WWOX: variants seen among roughly 807,000 people sequenced by gnomAD.
WWOX encodes the protein WW domain-containing oxidoreductase.
A neutral mutation model predicts 46.2 loss-of-function variants in WWOX; 69 were observed. The ratio of observed to expected loss-of-function variants is 1.49; its 90% CI spans 1.23 to 1.82. The LOEUF is 1.82. Among genes scored for constraint, WWOX ranks in the 40% most tolerant of loss-of-function variants. The pLI, the probability that WWOX is intolerant of heterozygous loss-of-function variation, is 0.00. For missense variants in WWOX, 919 were observed against 542.6 expected (o/e 1.69, Z -6.89); for synonymous variants, 359 against 202.6 (o/e 1.77, Z -6.56).
chr16:78,559,543 T>C (rs1315564553), intron 8 of WWOX, among the ~76,000 whole-genome samples: 2 of 152,196 alleles, frequency 1.3e-5, no homozygotes, highest in Non-Finnish European at 2.9e-5. Flanking sequence ...GTTAATATGG[T>C]TTCTTATTAA....
intron 8 of WWOX, among the ~76,000 whole-genome samples, chr16:78,823,604 T>G (rs2051565267): frequency 6.6e-6 from 1 of 152,140 alleles, no homozygotes; most frequent in Non-Finnish European, 1.5e-5. Context: ...TAATGGACAT[T>G]GTTTGATAAA....
At chr16:79,033,701 A>G (rs946256104) in intron 8 of WWOX, among the ~76,000 whole-genome samples, 2 of 152,192 alleles carry the variant, frequency 1.3e-5, no homozygotes, top group Non-Finnish European at 2.9e-5. Flanking sequence ...GTACCCACAG[A>G]ACACTGGCTC....
chr16:78,245,283 T>C (rs1310841982), intron 5 of WWOX, among the ~76,000 whole-genome samples: 1 of 152,226 alleles, frequency 6.6e-6, no homozygotes, highest in Admixed American at 6.5e-5. Flanking sequence ...ATCATTCTCC[T>C]TCTAACTGTA....
intron 8 of WWOX, among the ~76,000 whole-genome samples, chr16:78,491,969 C>A (rs1456565259): frequency 2.6e-5 from 4 of 152,260 alleles, no homozygotes; most frequent in Middle Eastern, 6.8e-3. Flanking sequence ...CTGACTTTCT[C>A]CCTGGTCCAG....
chr16:78,980,757 T>G (rs1031879514), intron 8 of WWOX, among the ~76,000 whole-genome samples: 1 of 152,194 alleles, frequency 6.6e-6, no homozygotes, highest in Non-Finnish European at 1.5e-5. Flanking sequence ...CCTTTCTTAC[T>G]TTTTGAATAA....
At chr16:78,984,999 T>C (rs2046756544) in intron 8 of WWOX, among the ~76,000 whole-genome samples, 1 of 152,288 alleles carries the variant, frequency 6.6e-6, no homozygotes, top group East Asian at 1.9e-4. Context: ...AAAAAAATAT[T>C]GGATCCTTGC....
chr16:78,334,938 A>AAG (rs11438717), intron 5 of WWOX, among the ~76,000 whole-genome samples: 1 of 128,852 alleles, frequency 7.8e-6, no homozygotes, highest in African/African-American at 2.8e-5. Flanking sequence ...AAAAAAAAAA[A>AAG]GGCAGCAAAA....
At chr16:78,825,934 C>A in intron 8 of WWOX, 1 of 805,894 alleles carries the variant, frequency 1.2e-6, no homozygotes, top group South Asian at 1.8e-5. Flanking sequence ...TAGTGCCCAC[C>A]ACTCCCATCT....
At chr16:78,624,678 A>C (rs1030006020) in intron 8 of WWOX, among the ~76,000 whole-genome samples, 15 of 152,230 alleles carry the variant, frequency 9.9e-5, no homozygotes, top group Non-Finnish European at 2.2e-4. Flanking sequence ...CTTTTATTGC[A>C]GCAAGATTTT....
chr16:79,135,222 G>A lies in WWOX; in HGVS notation c.1057-76386G>A, dbSNP rs543055168. On this transcript the variant is annotated intron_variant, in intron 8 of 8. Coordinates refer to ENST00000566780, the MANE Select transcript of WWOX (RefSeq NM_016373.4). ...AAATATTTATTTTTGATCCATACAC[G>A]TAAATATGCATACTCATAAATATGC... Among the ~76,000 whole-genome samples, 11 of 152,096 alleles carry A rather than the reference G, an allele frequency of 7.2e-5. No homozygotes were observed. The South Asian group carries it at 1.5e-3, about 20-fold the overall frequency.
At chr16:78,932,706 C>G (rs866536064) in intron 8 of WWOX, among the ~76,000 whole-genome samples, 2 of 152,184 alleles carry the variant, frequency 1.3e-5, no homozygotes, top group African/African-American at 4.8e-5. Context: ...CAGACTATAT[C>G]CACATCACAG....
At chr16:79,129,631 A>G (rs1158892442) in intron 8 of WWOX, among the ~76,000 whole-genome samples, 2 of 152,094 alleles carry the variant, frequency 1.3e-5, no homozygotes, top group Non-Finnish European at 2.9e-5. Context: ...TAAATTCTCA[A>G]ATGAAATTCA....
At chr16:78,985,535 A>C (rs1458379239) in intron 8 of WWOX, among the ~76,000 whole-genome samples, 3 of 152,084 alleles carry the variant, frequency 2.0e-5, no homozygotes, top group Non-Finnish European at 4.4e-5. Context: ...TTGGGAGGCC[A>C]AGGTGGGAGG....
At chr16:78,121,960 C>G (rs1402702332) in intron 4 of WWOX, among the ~76,000 whole-genome samples, 2 of 152,046 alleles carry the variant, frequency 1.3e-5, no homozygotes, top group Admixed American at 1.3e-4. Flanking sequence ...TGTGCCTGGC[C>G]CGTGTTTCAC....
intron 8 of WWOX, among the ~76,000 whole-genome samples, chr16:78,831,684 A>G (rs2051830489): frequency 6.6e-6 from 1 of 152,192 alleles, no homozygotes; most frequent in Non-Finnish European, 1.5e-5. Context: ...CATTGAGAAG[A>G]AGAAATAATT....
intron 8 of WWOX, among the ~76,000 whole-genome samples, chr16:79,184,535 C>T (rs922817695): frequency 2.0e-5 from 3 of 152,158 alleles, no homozygotes; most frequent in African/African-American, 7.2e-5. Context: ...GCATCTTTCC[C>T]TGACCCTGCC....
At chr16:78,948,586 C>G (rs2045994885) in intron 8 of WWOX, among the ~76,000 whole-genome samples, 1 of 152,068 alleles carries the variant, frequency 6.6e-6, no homozygotes, top group Admixed American at 6.5e-5. Context: ...CTCCTCATCC[C>G]TCTGGATGCC....
intron 8 of WWOX, among the ~76,000 whole-genome samples, chr16:78,664,295 A>G (rs1310372450): frequency 1.3e-5 from 2 of 152,132 alleles, no homozygotes; most frequent in African/African-American, 2.4e-5. Context: ...CTTCATGTAC[A>G]CACCCTGACT....
intron 8 of WWOX, chr16:78,873,172 G>GA (rs1567617738): frequency 6.6e-6 from 1 of 152,142 alleles, no homozygotes. Flanking sequence ...TTCAGTTTGT[G>GA]AAAAATTTGA....
Sources: gnomAD v4.1 joint callset for allele counts (sites outside exome capture counted in the v4.1 genomes callset) on GRCh38, gnomAD v4.1.1 for gene constraint, MANE v1.5 for transcripts, NCBI Gene and HGNC (gene_info 2026-07-23, HGNC 2026-07-21) for gene names.